Variants in FAM107B observed in about 807,000 individuals in gnomAD.
FAM107B encodes family with sequence similarity 107 member B, also known as protein FAM107B.
FAM107B carries 21 observed loss-of-function variants against 31.5 expected under a neutral mutation model. That is an observed-to-expected ratio of 0.67 (90% CI 0.47 to 0.96). The LOEUF is 0.96. FAM107B is among the 40% of genes least tolerant of loss of function. The pLI is 0.00. For missense variants in FAM107B, 452 were observed against 377.1 expected (o/e 1.20, Z -1.64); for synonymous variants, 157 against 141.5 (o/e 1.11, Z -0.78).
At chr10:14,620,459 T>C (rs1249591256) in intron 2 of FAM107B, among the ~76,000 whole-genome samples, 1 of 152,234 alleles carries the variant, frequency 6.6e-6, no homozygotes, top group African/African-American at 2.4e-5. Flanking sequence ...TCCAAAATTA[T>C]TTTGGTTGTA....
At chr10:14,738,666 C>T (rs1211690436) in intron 1 of FAM107B, among the ~76,000 whole-genome samples, 5 of 152,132 alleles carry the variant, frequency 3.3e-5, no homozygotes, top group African/African-American at 1.2e-4. Flanking sequence ...TACCTGTAGG[C>T]CTCGGGAAGG....
At chr10:14,726,333 T>C (rs61290929) in intron 1 of FAM107B, among the ~76,000 whole-genome samples, 3,638 of 152,226 alleles carry the variant, frequency 0.024, 140 homozygotes, top group African/African-American at 0.082. Context: ...CATAAAAATC[T>C]ATGTGGGAAG....
intron 2 of FAM107B, among the ~76,000 whole-genome samples, chr10:14,536,286 A>C (rs1341307964): frequency 6.6e-6 from 1 of 152,252 alleles, no homozygotes; most frequent in Non-Finnish European, 1.5e-5. Context: ...TACAGTTTAC[A>C]GGTGCGCTAC....
intron 1 of FAM107B, among the ~76,000 whole-genome samples, chr10:14,749,293 G>A (rs1832782478): frequency 1.3e-5 from 2 of 152,242 alleles, no homozygotes; most frequent in Admixed American, 1.3e-4. Flanking sequence ...AGGATCCAGG[G>A]CCTGATTGAG....
At chr10:14,706,434 C>A (rs1855521834) in intron 1 of FAM107B, among the ~76,000 whole-genome samples, 1 of 152,076 alleles carries the variant, frequency 6.6e-6, no homozygotes, top group Non-Finnish European at 1.5e-5. Context: ...CACTATGTTG[C>A]CCAGGCTGGT....
intron 2 of FAM107B, among the ~76,000 whole-genome samples, chr10:14,649,220 G>C (rs537219527): frequency 1.3e-5 from 2 of 152,196 alleles, no homozygotes; most frequent in African/African-American, 2.4e-5. Context: ...CAGACTCTGC[G>C]TAGCAATAAG....
At chr10:14,636,600 C>G (rs1170543154) in intron 2 of FAM107B, among the ~76,000 whole-genome samples, 1 of 152,088 alleles carries the variant, frequency 6.6e-6, no homozygotes, top group South Asian at 2.1e-4. Context: ...ACTCTAACAG[C>G]CTGATTTTAA....
chr10:14,626,842 G>T (rs1354571539), intron 2 of FAM107B, among the ~76,000 whole-genome samples: 2 of 152,146 alleles, frequency 1.3e-5, no homozygotes, highest in Admixed American at 6.5e-5. Flanking sequence ...CTTTGGCCTT[G>T]CATAAAAAGT....
intron 1 of FAM107B, among the ~76,000 whole-genome samples, chr10:14,698,061 G>A (rs577549682): frequency 5.3e-5 from 8 of 152,018 alleles, no homozygotes; most frequent in Admixed American, 2.0e-4. Flanking sequence ...GGAGGTGGAG[G>A]TTGCAATGAG....
intron 1 of FAM107B, among the ~76,000 whole-genome samples, chr10:14,688,383 A>T (rs1824325): frequency 2.0e-5 from 3 of 152,112 alleles, no homozygotes; most frequent in African/African-American, 4.8e-5. Flanking sequence ...TTAATACACT[A>T]CCTTTCATGT....
intron 1 of FAM107B, among the ~76,000 whole-genome samples, chr10:14,762,967 T>C (rs74523927): frequency 0.035 from 5,324 of 152,130 alleles, 302 homozygotes; most frequent in African/African-American, 0.12. Context: ...TGAGCTACTA[T>C]TTAAAAGGAC....
At chr10:14,653,728 T>C (rs1000301787) in intron 2 of FAM107B, 1 of 152,226 alleles carries the variant, frequency 6.6e-6, no homozygotes, top group African/African-American at 2.4e-5. Context: ...TAGCCTCTTA[T>C]ACACAGTAAA....
intron 2 of FAM107B, among the ~76,000 whole-genome samples, chr10:14,597,090 G>A (rs1419144733): frequency 6.6e-6 from 1 of 152,098 alleles, no homozygotes; most frequent in Non-Finnish European, 1.5e-5. Context: ...AAGAAAAAAT[G>A]AAAAAGAACC....
intron 2 of FAM107B, chr10:14,604,467 C>CGCCCCCAGTG (rs1482050786): frequency 6.6e-6 from 1 of 151,650 alleles, no homozygotes; most frequent in Admixed American, 6.6e-5. Flanking sequence ...GGCAAGGCCA[C>CGCCCCCAGTG]GCCCCCAACG....
chr10:14,723,064 A>G (rs899913026), intron 1 of FAM107B: 5 of 361,002 alleles, frequency 1.4e-5, no homozygotes, highest in Admixed American at 3.7e-5. Flanking sequence ...TTTGTGTCTT[A>G]TATTTAGGTC....
intron 1 of FAM107B, among the ~76,000 whole-genome samples, chr10:14,714,566 A>G (rs1043199059): frequency 1.3e-5 from 2 of 152,222 alleles, no homozygotes; most frequent in Admixed American, 6.5e-5. Context: ...TGCACCCTTC[A>G]TTAGCAGGCA....
chr10:14,619,897 C>T (rs900351582), intron 2 of FAM107B, among the ~76,000 whole-genome samples: 1 of 151,536 alleles, frequency 6.6e-6, no homozygotes, highest in African/African-American at 2.4e-5. Context: ...CATTAGTATA[C>T]AGATGTTCCA....
intron 2 of FAM107B, among the ~76,000 whole-genome samples, chr10:14,588,136 G>T (rs1254154407): frequency 6.6e-6 from 1 of 152,152 alleles, no homozygotes; most frequent in African/African-American, 2.4e-5. Context: ...TAAATAGGCG[G>T]TTTTTGAAAT....
intron 3 of FAM107B, among the ~76,000 whole-genome samples, chr10:14,525,810 G>A (rs1388097541): frequency 6.6e-6 from 1 of 152,186 alleles, no homozygotes; most frequent in African/African-American, 2.4e-5. Flanking sequence ...TGCTGGCTAA[G>A]CATCTGCACA....
Sources: gnomAD v4.1 joint callset for allele counts (sites outside exome capture counted in the v4.1 genomes callset) on GRCh38, gnomAD v4.1.1 for gene constraint, MANE v1.5 for transcripts, NCBI Gene and HGNC (gene_info 2026-07-23, HGNC 2026-07-21) for gene names.